LARGE1: variants seen among roughly 807,000 people sequenced by gnomAD.
LARGE1 encodes LARGE xylosyl- and glucuronyltransferase 1, also known as xylosyl- and glucuronyltransferase LARGE1.
A neutral mutation model predicts 87.6 loss-of-function variants in LARGE1; 43 were observed. That is an observed-to-expected ratio of 0.49 (90% CI 0.38 to 0.63). The LOEUF (loss-of-function observed/expected upper bound fraction) is 0.63, where lower values mean the gene tolerates loss of function less well. Ranked by LOEUF, LARGE1 falls within the 30% of genes least tolerant of loss-of-function variation. The pLI is 0.00. For missense variants in LARGE1, 802 were observed against 1,000.2 expected, an observed-to-expected ratio of 0.80 and a Z score of 2.67; for synonymous variants, 434 against 394.6, an observed-to-expected ratio of 1.10 and a Z score of -1.18.
intron 6 of LARGE1, among the ~76,000 whole-genome samples, chr22:33,529,165 A>C (rs751131235): frequency 6.6e-6 from 1 of 152,208 alleles, no homozygotes; most frequent in Non-Finnish European, 1.5e-5. Context: ...AAGGGACTTT[A>C]AAGCTTATCT....
intron 1 of LARGE1, among the ~76,000 whole-genome samples, chr22:33,869,348 C>T (rs2064205324): frequency 6.6e-6 from 1 of 152,138 alleles, no homozygotes; most frequent in African/African-American, 2.4e-5. Flanking sequence ...GGACTGTTTC[C>T]ATAGATATCT....
chr22:33,606,258 A>T (rs573895032), intron 4 of LARGE1, among the ~76,000 whole-genome samples: 1 of 152,046 alleles, frequency 6.6e-6, no homozygotes, highest in African/African-American at 2.4e-5. Flanking sequence ...ACAAAAAATT[A>T]GCCTGGTGTG....
At chr22:33,872,939 A>G (rs1394927290) in intron 1 of LARGE1, among the ~76,000 whole-genome samples, 2 of 152,096 alleles carry the variant, frequency 1.3e-5, no homozygotes, top group Admixed American at 1.3e-4. Context: ...GGTGGAGGTT[A>G]CAGTGAACCG....
At chr22:33,666,397 T>C (rs966927768) in intron 2 of LARGE1, among the ~76,000 whole-genome samples, 1 of 152,212 alleles carries the variant, frequency 6.6e-6, no homozygotes, top group African/African-American at 2.4e-5. Context: ...CTACCCTGCC[T>C]GGGTTGTCCT....
At chr22:33,518,466 G>A (rs768473180) in intron 6 of LARGE1, among the ~76,000 whole-genome samples, 3 of 152,198 alleles carry the variant, frequency 2.0e-5, no homozygotes, top group Non-Finnish European at 4.4e-5. Context: ...ATGCCACCAT[G>A]CCTGGCTAAT....
At chr22:33,271,332 A>G (rs917622696), downstream of LARGE1, among the ~76,000 whole-genome samples, 1 of 152,222 alleles carries the variant, frequency 6.6e-6, no homozygotes, top group African/African-American at 2.4e-5. Flanking sequence ...CCATATATTA[A>G]CCATGTGAAT....
chr22:33,708,243 A>G (rs1372951973), intron 2 of LARGE1, among the ~76,000 whole-genome samples: 1 of 142,512 alleles, frequency 7.0e-6, no homozygotes, highest in African/African-American at 2.5e-5. Context: ...TGGAGCTGCT[A>G]TTGGAGGGAG....
intron 1 of LARGE1, among the ~76,000 whole-genome samples, chr22:33,868,992 G>C (rs752405869): frequency 3.9e-5 from 6 of 152,312 alleles, no homozygotes; most frequent in South Asian, 4.1e-4. Context: ...GTTGTGGAAA[G>C]AAGGGCCATG....
the LARGE1 span, among the ~76,000 whole-genome samples, chr22:33,078,139 T>C: frequency 6.6e-6 from 1 of 152,182 alleles, no homozygotes; most frequent in Non-Finnish European, 1.5e-5. Flanking sequence ...TTTGCCTCCA[T>C]CCATCTGAAT....
chr22:33,630,328 C>G (rs113631296), intron 3 of LARGE1, among the ~76,000 whole-genome samples: 1,551 of 152,324 alleles, frequency 0.01, 11 homozygotes, highest in Middle Eastern at 0.034. Context: ...CCTGAAATTA[C>G]AGTCATGCTT....
intron 5 of LARGE1, among the ~76,000 whole-genome samples, chr22:33,588,848 G>A (rs745403591): frequency 1.3e-5 from 2 of 152,184 alleles, no homozygotes; most frequent in Non-Finnish European, 2.9e-5. Flanking sequence ...AAAACACACT[G>A]ATTTTTATCT....
intron 11 of LARGE1, among the ~76,000 whole-genome samples, chr22:33,265,140 G>A (rs2145760062): frequency 6.6e-6 from 1 of 151,906 alleles, no homozygotes; most frequent in East Asian, 2.0e-4. Flanking sequence ...CCTGACCTCA[G>A]GTGACCCTCC....
At chr22:33,611,029 C>T (rs549977106) in intron 4 of LARGE1, among the ~76,000 whole-genome samples, 2 of 152,202 alleles carry the variant, frequency 1.3e-5, no homozygotes, top group African/African-American at 4.8e-5. Flanking sequence ...CAGCCTCTAC[C>T]AGATTTCAGA....
At chr22:33,409,897 G>C (rs1227223684) in intron 7 of LARGE1, among the ~76,000 whole-genome samples, 2 of 151,142 alleles carry the variant, frequency 1.3e-5, no homozygotes, top group Non-Finnish European at 3.0e-5. Context: ...AATCTTGGTT[G>C]AATGTCCACA....
At chr22:33,284,108 C>T (rs1306355620) in intron 12 of LARGE1, among the ~76,000 whole-genome samples, 1 of 152,012 alleles carries the variant, frequency 6.6e-6, no homozygotes, top group Admixed American at 6.6e-5. Context: ...GAGAACCTCC[C>T]ACATGTTTTC....
chr22:33,782,648 C>T (rs1341984196), intron 1 of LARGE1, among the ~76,000 whole-genome samples: 4 of 152,088 alleles, frequency 2.6e-5, no homozygotes, highest in East Asian at 3.9e-4. Context: ...GGGCGCATCA[C>T]GAGGTCAGGA....
At chr22:33,405,093 T>A (rs1421603646) in intron 7 of LARGE1, among the ~76,000 whole-genome samples, 2 of 152,188 alleles carry the variant, frequency 1.3e-5, no homozygotes, top group Non-Finnish European at 2.9e-5. Flanking sequence ...ATTTTTGTCT[T>A]TGTTTCTTTC....
intron 2 of LARGE1, among the ~76,000 whole-genome samples, chr22:33,695,846 G>A (rs901048361): frequency 6.6e-6 from 1 of 152,116 alleles, no homozygotes; most frequent in African/African-American, 2.4e-5. Flanking sequence ...GAACGTTCTG[G>A]AGTGATGAGG....
intron 5 of LARGE1, among the ~76,000 whole-genome samples, chr22:33,568,138 A>C (rs1488289296): frequency 2.0e-5 from 3 of 152,238 alleles, no homozygotes; most frequent in African/African-American, 7.2e-5. Context: ...AGATGCTGGA[A>C]TCCAGAGAGA....
Sources: gnomAD v4.1 joint callset for allele counts (sites outside exome capture counted in the v4.1 genomes callset) on GRCh38, gnomAD v4.1.1 for gene constraint, MANE v1.5 for transcripts, NCBI Gene and HGNC (gene_info 2026-07-23, HGNC 2026-07-21) for gene names.